The following EMILIN2 variants were observed in gnomAD, a reference collection of about 807,000 sequenced individuals.
EMILIN2 encodes EMILIN-2.
EMILIN2 carries 71 observed loss-of-function variants against 87.1 expected under a neutral mutation model. The observed-to-expected ratio is 0.82, with a 90% confidence interval of 0.67 to 0.99. The LOEUF (loss-of-function observed/expected upper bound fraction) is 0.99, where lower values mean the gene tolerates loss of function less well. Ranked by LOEUF, EMILIN2 falls within the 50% of genes least tolerant of loss-of-function variation. The pLI, the probability that EMILIN2 is intolerant of heterozygous loss-of-function variation, is 0.00. For missense variants in EMILIN2, 1,407 were observed against 1,371.8 expected (o/e 1.03, Z -0.40); for synonymous variants, 581 against 563.4 (o/e 1.03, Z -0.44).
chr18:2,891,732 C>T lies in EMILIN2; in HGVS notation c.1605C>T (p.Val535=). ...TGTCAGGGTCAGGAGATGAACGGGT[C>T]ATGATGGAATTAAACCACCTGAAGG... ...PGVSGSGDER[V]MMELNHLKDK... Residue 535 remains valine (V), a synonymous_variant, in exon 4 of 8, where the codon GTC becomes GTT. Transcript: ENST00000254528. The surrounding 1 kb of genome is among the most constrained non-coding windows in gnomAD (Gnocchi z 4.6). 1 of 1,614,120 alleles carries T rather than the reference C, an allele frequency of 6.2e-7. No individual in the cohort carries two copies. Among genetic ancestry groups the T allele is most frequent in the Non-Finnish European group, 8.5e-7 (1 of 1,180,038 alleles).
rs966344196 is a variant in EMILIN2 at position 2,906,836 on chromosome 18, G to A, written c.2413G>A (p.Glu805Lys). 1.4e-4 allele frequency: 191 copies of A among 1,339,898 alleles called. No individual in the cohort carries two copies. In the African/African-American group the frequency reaches 2.4e-3, roughly 17 times the overall value. The allele number at this position is 1,339,898 out of a possible 1,614,324, so 83.0% of individuals were successfully genotyped here. ...GGCCCCGAAGGAGCCGCTGCAGCCC[G>A]AGCCCGCCCCGCCGAGGCCCAGCGG... ...AEAPKEPLQP[E>K]PAPPRPSGPA... Residue 805 changes from glutamate (E) to lysine (K), a missense_variant, in exon 5 of 8, where the codon GAG becomes AAG. Glu to Lys is a moderately conservative substitution (Grantham distance 56, BLOSUM62 1). Transcript: ENST00000254528.
chr18:2,862,180 CAG>C (rs1305110201), intron 2 of EMILIN2, among the ~76,000 whole-genome samples: 2 of 152,166 alleles, frequency 1.3e-5, no homozygotes, highest in African/African-American at 4.8e-5. Context: ...CATCTGCAAA[CAG>C]GGACAATTTG....
At position 2,913,113 on chromosome 18, in the gene EMILIN2, C is replaced by T; in HGVS notation, c.2871C>T (p.Thr957=). ...PYDGRYLITA[T]LTPERDAYVE... ...ATGGGCGCTACCTGATCACGGCCAC[C>T]CTCACCCCCGAGAGAGACGCCTACG... The change falls in exon 8 of 8, where the codon ACC becomes ACT. Residue 957 remains threonine (T), a synonymous_variant. Transcript: ENST00000254528. 1.2e-6 allele frequency: 2 copies of T among 1,612,928 alleles called. No individual in the cohort carries two copies. Among genetic ancestry groups the T allele is most frequent in the South Asian group, 1.1e-5 (1 of 91,068 alleles).
chr18:2,864,524 TC>T (rs1555665932), intron 2 of EMILIN2, among the ~76,000 whole-genome samples: 4 of 152,242 alleles, frequency 2.6e-5, no homozygotes, highest in Non-Finnish European at 4.4e-5. Flanking sequence ...AAAATTCTTT[TC>T]TTTAAGAATG....
chr18:2,863,706 G>C (rs149177574), intron 2 of EMILIN2, among the ~76,000 whole-genome samples: 17,348 of 152,190 alleles, frequency 0.11, 3,320 homozygotes, highest in African/African-American at 0.39. Context: ...GTTGATTTGG[G>C]GTGGAGAGTT....
Position 2,847,113 on chromosome 18 carries a change from C to T in EMILIN2, c.-76C>T. On this transcript the variant is annotated 5_prime_UTR_variant, in exon 1 of 8. Transcript: ENST00000254528. This position sits in a 1 kb window ranked among gnomAD's most constrained non-coding sequence, Gnocchi z 4.5. ...CCTTCGCGGGCGGCGCCCTGGCCGC[C>T]GGCAGCCTTGTGGCCGGTGCCCCGA... is the stretch of plus-strand genomic sequence containing the variant. The T allele has an allele frequency of 3.7e-6, 4 of 1,073,130 alleles. No individual in the cohort carries two copies. The highest frequency in any genetic ancestry group is 2.6e-5 in the South Asian group (1 of 38,736). The allele number at this position is 1,073,130 out of a possible 1,614,324, so 66.5% of individuals were successfully genotyped here. A position where few individuals can be genotyped will look rare whatever the true frequency, so the allele number is the denominator to read the frequency against.
rs2076840350 is a variant in EMILIN2 at position 2,892,019 on chromosome 18, A to G, written c.1892A>G (p.Asn631Ser). 1 of 1,614,242 alleles carries G rather than the reference A, an allele frequency of 6.2e-7. No homozygotes were observed. The highest frequency in any genetic ancestry group is 8.5e-7 in the Non-Finnish European group (1 of 1,180,044). Residue 631 changes from asparagine (N) to serine (S), a missense_variant, in exon 4 of 8, where the codon AAT becomes AGT. By Grantham distance (46) the Asn-to-Ser change is conservative. Transcript: ENST00000254528. ...ACTCATCTTCAAAAGGAAATGAGCAATTGTAGAGCAGGTGAAAACGCTGGC... is the reference window on the plus strand; with the variant it reads ...ACTCATCTTCAAAAGGAAATGAGCAGTTGTAGAGCAGGTGAAAACGCTGGC... ...DVTHLQKEMS[N>S]CRAGENAGMG...
chr18:2,892,852 G>T (rs2076845810), intron 4 of EMILIN2, among the ~76,000 whole-genome samples: 1 of 149,304 alleles, frequency 6.7e-6, no homozygotes, highest in South Asian at 2.2e-4. Flanking sequence ...AGGCATTCGA[G>T]ATCAACCTGG....
In EMILIN2 at chr18:2,848,686, G is replaced by A. The variant is rs1161934299; in HGVS notation, c.257+755G>A. ...AATTGTCATCAGGCAAGTCTTTGGG[G>A]GTTTTGTATCAGTCTGATACCGGAA... On this transcript the variant is annotated intron_variant, in intron 2 of 7. Transcript: ENST00000254528. The surrounding 1 kb of genome is among the most constrained non-coding windows in gnomAD (Gnocchi z 4.1). Among the ~76,000 whole-genome samples, 1 of 152,096 alleles carries A rather than the reference G, an allele frequency of 6.6e-6. No homozygotes were observed. The highest frequency in any genetic ancestry group is 1.5e-5 in the Non-Finnish European group (1 of 68,016).
chr18:2,912,168 A>T (rs1032270953), intron 7 of EMILIN2, among the ~76,000 whole-genome samples: 1 of 150,688 alleles, frequency 6.6e-6, no homozygotes, highest in African/African-American at 2.4e-5. Context: ...CCTCCTGAGT[A>T]GTTGCGACTA....
intron 2 of EMILIN2, among the ~76,000 whole-genome samples, chr18:2,859,982 A>G (rs2076652236): frequency 6.6e-6 from 1 of 152,196 alleles, no homozygotes; most frequent in African/African-American, 2.4e-5. Flanking sequence ...GCTTTATAGT[A>G]TAGTTTGAAG....
chr18:2,863,270 T>A (rs939055655), intron 2 of EMILIN2, among the ~76,000 whole-genome samples: 40 of 152,214 alleles, frequency 2.6e-4, no homozygotes, highest in Non-Finnish European at 5.0e-4. Context: ...AGCTTTTGAA[T>A]GTGTTTGCTC....
Position 2,909,795 on chromosome 18 carries a change from G to C in EMILIN2, c.2800G>C (p.Gly934Arg), listed in dbSNP as rs770530271. The C allele has an allele frequency of 6.2e-7, 1 of 1,613,544 alleles. No individual in the cohort carries two copies. Among genetic ancestry groups the C allele is most frequent in the Non-Finnish European group, 8.5e-7 (1 of 1,179,808 alleles). The change falls in exon 7 of 8, where the codon GGG becomes CGG. Residue 934 changes from glycine to arginine, a missense_variant. Gly to Arg is a moderately radical substitution (Grantham distance 125, BLOSUM62 -2). Coordinates refer to ENST00000254528, the MANE Select transcript of EMILIN2 (RefSeq NM_032048.3). ...CTTTAACAAAGTGCTGGTGAACGACGGGGATGTTTACAACCCCAGCACCGG... is the reference window on the plus strand; with the variant it reads ...CTTTAACAAAGTGCTGGTGAACGACCGGGATGTTTACAACCCCAGCACCGG... ...VLFNKVLVND[G>R]DVYNPSTGVF...
rs532691829 is a variant in EMILIN2 at position 2,881,330 on chromosome 18, C to T, written c.258-3634C>T. Reference sequence around the variant, plus strand: ...GCTAGACTTGAAAACTTGTCAGGAGCGCCTCAACCTGAACTCCCTTGGCCA... The same window carrying T: ...GCTAGACTTGAAAACTTGTCAGGAGTGCCTCAACCTGAACTCCCTTGGCCA... On this transcript the variant is annotated intron_variant, in intron 2 of 7. Coordinates refer to ENST00000254528, the MANE Select transcript of EMILIN2 (RefSeq NM_032048.3). Among the ~76,000 whole-genome samples the T allele has an allele frequency of 3.3e-5, 5 of 152,276 alleles. No homozygotes were observed. The East Asian group carries it at 9.6e-4, about 29-fold the overall frequency.
At chr18:2,885,255 C>A in intron 3 of EMILIN2, 116 bp downstream of exon 3, 1 of 1,123,622 alleles carries the variant, frequency 8.9e-7, no homozygotes, top group South Asian at 1.9e-5. Flanking sequence ...GAATAACACA[C>A]ATAGATACCT....
At chr18:2,898,901 G>A (rs574401064) in intron 4 of EMILIN2, among the ~76,000 whole-genome samples, 1 of 152,146 alleles carries the variant, frequency 6.6e-6, no homozygotes, top group Non-Finnish European at 1.5e-5. Context: ...CTTATATTCA[G>A]GCCATAGGGA....
intron 2 of EMILIN2, among the ~76,000 whole-genome samples, chr18:2,855,982 T>C (rs1359681782): frequency 6.6e-6 from 1 of 152,206 alleles, no homozygotes; most frequent in East Asian, 1.9e-4. Context: ...AAGTTAATGC[T>C]TACGGACACA....
Position 2,876,053 on chromosome 18 carries a change from C to T in EMILIN2, c.258-8911C>T, listed in dbSNP as rs1010775873. Among the ~76,000 whole-genome samples, 22 of 147,912 alleles carry T rather than the reference C, an allele frequency of 1.5e-4. 1 individual carries two copies. In the South Asian group the frequency reaches 3.8e-3, roughly 26 times the overall value. On this transcript the variant is annotated intron_variant, in intron 2 of 7. Coordinates refer to ENST00000254528, the MANE Select transcript of EMILIN2 (RefSeq NM_032048.3). The stretch of plus-strand genomic sequence containing the variant: ...CTGGAGTGCAGTGGCGCGATCTTAG[C>T]TCACTGCAACCTCTGCCTCCTGGGT...
intron 4 of EMILIN2, among the ~76,000 whole-genome samples, chr18:2,893,544 T>G (rs1355476565): frequency 1.3e-5 from 2 of 152,148 alleles, no homozygotes; most frequent in Admixed American, 1.3e-4. Context: ...GAATAATATA[T>G]GTAATAAGAT....
Sources: allele counts gnomAD v4.1 joint callset (sites outside exome capture counted in the v4.1 genomes callset), GRCh38; gene constraint gnomAD v4.1.1; non-coding constraint Gnocchi (gnomAD v3.1); transcripts MANE v1.5; gene names NCBI Gene and HGNC (gene_info 2026-07-23, HGNC 2026-07-21).